SLC23A2: variants seen among roughly 807,000 people sequenced by gnomAD.
The protein encoded by SLC23A2 is solute carrier family 23 member 2.
A neutral mutation model predicts 73.3 loss-of-function variants in SLC23A2; 36 were observed. The ratio of observed to expected loss-of-function variants is 0.49; its 90% CI spans 0.38 to 0.65. The LOEUF (loss-of-function observed/expected upper bound fraction) is 0.65. Among genes scored for constraint, SLC23A2 ranks in the 30% least tolerant of loss-of-function variants. SLC23A2 has a pLI of 0.00. For missense variants in SLC23A2, 507 were observed against 841.6 expected (o/e 0.60, Z 4.92); for synonymous variants, 343 against 327.3 (o/e 1.05, Z -0.52).
At chr20:4,909,645 C>T (rs1932074555) in intron 4 of SLC23A2, among the ~76,000 whole-genome samples, 1 of 152,162 alleles carries the variant, frequency 6.6e-6, no homozygotes, top group Admixed American at 6.5e-5. Flanking sequence ...CCTCTGCCTC[C>T]TGGATTCAAG....
rs1336052439 is a variant in SLC23A2 at position 4,852,495 on chromosome 20, G to A, written c.*4477C>T. On this transcript the variant is annotated 3_prime_UTR_variant, in exon 17 of 17. Transcript: ENST00000338244. This position sits in a 1 kb window ranked among gnomAD's most constrained non-coding sequence, Gnocchi z 4.3. ...ATACTTAAACGTTTAATGAAGCCAT[G>A]TTAGAAAAACAATATGAAAATTCTT... is the stretch of plus-strand genomic sequence containing the variant. 1 of 152,614 alleles carries A rather than the reference G, an allele frequency of 6.6e-6. No homozygotes were observed. Among genetic ancestry groups the A allele is most frequent in the Non-Finnish European group, 1.5e-5 (1 of 68,020 alleles). 9.5% of individuals were successfully genotyped at this position (152,614 alleles called of 1,614,324 possible).
Position 4,862,951 on chromosome 20 carries a change from T to C in SLC23A2, c.1357-44A>G, listed in dbSNP as rs1335069121. 9 of 1,584,722 alleles carry C rather than the reference T, an allele frequency of 5.7e-6. No homozygotes were observed. Among genetic ancestry groups the C allele is most frequent in the East Asian group, 2.3e-5 (1 of 44,172 alleles). ...ACTGGGAAACAGGGACTCATCTCCA[T>C]GCAAAATCACCGTAAGTTACTAAAG... On this transcript the variant is annotated intron_variant, in intron 13 of 16. Coordinates refer to ENST00000338244, the MANE Select transcript of SLC23A2 (RefSeq NM_005116.6). The surrounding 1 kb of genome is among the most constrained non-coding windows in gnomAD (Gnocchi z 5.1).
intron 3 of SLC23A2, among the ~76,000 whole-genome samples, chr20:4,924,320 A>G (rs1163522621): frequency 6.6e-6 from 1 of 152,128 alleles, no homozygotes; most frequent in Admixed American, 6.5e-5. Context: ...GTTTCTCCTG[A>G]CATACTTTTC....
chr20:4,891,156 G>A (rs1327372526), intron 6 of SLC23A2, among the ~76,000 whole-genome samples: 1 of 152,216 alleles, frequency 6.6e-6, no homozygotes, highest in East Asian at 1.9e-4. Context: ...GGGGGTTAGG[G>A]GAGGGGAGGT....
chr20:4,903,384 C>T (rs1278739813), intron 4 of SLC23A2, among the ~76,000 whole-genome samples: 2 of 152,152 alleles, frequency 1.3e-5, no homozygotes, highest in African/African-American at 4.8e-5. Flanking sequence ...CCAGGAGAAC[C>T]TCAAAACTGC....
At chr20:4,859,475 T>C in intron 15 of SLC23A2, 91 bp from the exon 16 acceptor site, 1 of 799,788 alleles carries the variant, frequency 1.3e-6, no homozygotes, top group Non-Finnish European at 2.2e-6. Context: ...TGGGCAGAAC[T>C]CCGCCAATCA....
intron 3 of SLC23A2, among the ~76,000 whole-genome samples, chr20:4,928,876 C>T (rs1932753528): frequency 6.6e-6 from 1 of 152,126 alleles, no homozygotes; most frequent in Non-Finnish European, 1.5e-5. Context: ...CCTTCCCAAC[C>T]CTGCCCTAAA....
At chr20:4,905,590 G>A (rs112030055) in intron 4 of SLC23A2, among the ~76,000 whole-genome samples, 1 of 152,218 alleles carries the variant, frequency 6.6e-6, no homozygotes, top group African/African-American at 2.4e-5. Flanking sequence ...AAAGACTAGA[G>A]TGAACTCAGA....
Position 4,902,738 on chromosome 20 carries a change from C to T in SLC23A2, c.208-180G>A, listed in dbSNP as rs1462137656. ...TCTCTTTGGCTCAAGTACAGTCGCC[C>T]ACCGGGATGGTCAATCCTCAGAATT... On this transcript the variant is annotated intron_variant, in intron 4 of 16. Transcript: ENST00000338244. This position sits in a 1 kb window ranked among gnomAD's most constrained non-coding sequence, Gnocchi z 4.0. Among the ~76,000 whole-genome samples, 1 of 152,152 alleles carries T rather than the reference C, an allele frequency of 6.6e-6. No homozygotes were observed. Among genetic ancestry groups the T allele is most frequent in the Non-Finnish European group, 1.5e-5 (1 of 68,028 alleles).
At chr20:4,906,285 G>A (rs1931951080) in intron 4 of SLC23A2, among the ~76,000 whole-genome samples, 1 of 152,168 alleles carries the variant, frequency 6.6e-6, no homozygotes, top group Admixed American at 6.5e-5. Context: ...GCTGCAGTGA[G>A]CTGTGATCAT....
intron 3 of SLC23A2, among the ~76,000 whole-genome samples, chr20:4,927,921 C>T (rs565442888): frequency 6.6e-6 from 1 of 152,154 alleles, no homozygotes; most frequent in Non-Finnish European, 1.5e-5. Context: ...TAACTTAGTC[C>T]CCTCACTTTT....
Position 4,866,973 on chromosome 20 carries a change from T to C in SLC23A2, c.1356+797A>G, listed in dbSNP as rs538879795. Reference sequence around the variant, plus strand: ...GGGTCATCTCTTAATTTAAAACTAGTGACACCTCCCAGTTGGGATCCCATT... The same window carrying C: ...GGGTCATCTCTTAATTTAAAACTAGCGACACCTCCCAGTTGGGATCCCATT... On this transcript the variant is annotated intron_variant, in intron 13 of 16. Transcript: ENST00000338244. 2.3e-3 allele frequency among the ~76,000 whole-genome samples: 338 copies of C among 148,276 alleles called. 3 individuals carry two copies. The highest frequency in any genetic ancestry group is 0.017 in the South Asian group (81 of 4,710).
chr20:4,870,163 G>T, intron 11 of SLC23A2, 110 bp from the exon 12 acceptor site: 1 of 897,604 alleles, frequency 1.1e-6, no homozygotes, highest in Non-Finnish European at 1.7e-6. Flanking sequence ...GATCCACTTG[G>T]ATTCTGAAGC....
chr20:4,991,730 A>G (rs1568659891), intron 1 of SLC23A2, among the ~76,000 whole-genome samples: 3 of 143,080 alleles, frequency 2.1e-5, no homozygotes, highest in Non-Finnish European at 4.6e-5. Context: ...TCACACACAC[A>G]CACACACACA....
chr20:4,948,703 T>TTA (rs1277472553), intron 2 of SLC23A2, among the ~76,000 whole-genome samples: 1 of 152,242 alleles, frequency 6.6e-6, no homozygotes, highest in Non-Finnish European at 1.5e-5. Flanking sequence ...TGCCTGTATG[T>TTA]TATACACTCT....
In SLC23A2 at chr20:4,857,469, C is replaced by T. The variant is rs1230128568; in HGVS notation, c.1721-265G>A. ...TCCATGTCCTCATTCAAGCAATCAC[C>T]TAATGACCTTCTGACCTCCCTATCC... On this transcript the variant is annotated intron_variant, in intron 16 of 16. Coordinates refer to ENST00000338244, the MANE Select transcript of SLC23A2 (RefSeq NM_005116.6). This position sits in a 1 kb window ranked among gnomAD's most constrained non-coding sequence, Gnocchi z 4.0. Among the ~76,000 whole-genome samples the T allele has an allele frequency of 6.6e-6, 1 of 152,194 alleles. No homozygotes were observed. The highest frequency in any genetic ancestry group is 1.5e-5 in the Non-Finnish European group (1 of 68,032).
At chr20:4,961,329 ACC>A (rs2087385408) in intron 2 of SLC23A2, among the ~76,000 whole-genome samples, 1 of 151,712 alleles carries the variant, frequency 6.6e-6, no homozygotes, top group Non-Finnish European at 1.5e-5. Context: ...TGATCCGCCC[ACC>A]TTGGCCTCCC....
intron 1 of SLC23A2, among the ~76,000 whole-genome samples, chr20:5,008,857 A>T (rs2088218838): frequency 6.6e-6 from 1 of 152,070 alleles, no homozygotes; most frequent in Non-Finnish European, 1.5e-5. Flanking sequence ...ATGAGTCACC[A>T]CGCTCGGCCC....
Position 4,926,510 on chromosome 20 carries a change from CTT to C in SLC23A2, c.108+5943_108+5944del, listed in dbSNP as rs3055953. Among the ~76,000 whole-genome samples, 126 of 105,014 alleles carry C rather than the reference CTT, an allele frequency of 1.2e-3. 1 individual carries two copies. The highest frequency in any genetic ancestry group is 9.8e-3 in the East Asian group (35 of 3,582). 68.9% of individuals were successfully genotyped at this position (105,014 alleles called of 152,430 possible). On this transcript the variant is annotated intron_variant, in intron 3 of 16. Coordinates refer to ENST00000338244, the MANE Select transcript of SLC23A2 (RefSeq NM_005116.6). ...CGATCGTTCATCAGAATTTTTTTTG[CTT>C]TTTTTTTTTTTTTTTTTTTCCTGAT...
Sources: allele counts gnomAD v4.1 joint callset (sites outside exome capture counted in the v4.1 genomes callset), GRCh38; gene constraint gnomAD v4.1.1; non-coding constraint Gnocchi (gnomAD v3.1); transcripts MANE v1.5; gene names NCBI Gene and HGNC (gene_info 2026-07-23, HGNC 2026-07-21).